The following MYCBP2 variants were observed in gnomAD, a reference collection of about 807,000 sequenced individuals.
MYCBP2 encodes the protein E3 ubiquitin-protein ligase MYCBP2.
MYCBP2 carries 120 observed loss-of-function variants against 525.3 expected under a neutral mutation model. That is an observed-to-expected ratio of 0.23 (90% CI 0.20 to 0.27). MYCBP2 has a LOEUF of 0.27. Ranked by LOEUF, MYCBP2 falls within the 10% of genes least tolerant of loss-of-function variation. MYCBP2 has a pLI of 1.00. For synonymous variants in MYCBP2, 1,894 were observed against 1,955.8 expected, an observed-to-expected ratio of 0.97 and a Z score of 0.83; for missense variants, 4,149 against 5,657.1, an observed-to-expected ratio of 0.73 and a Z score of 8.55.
At chr13:77,185,055 T>C (rs764031384) in intron 32 of MYCBP2, 48 bp downstream of exon 32, 4 of 1,534,176 alleles carry the variant, frequency 2.6e-6, no homozygotes, top group Non-Finnish European at 3.6e-6. Context: ...TGAAGAGTAT[T>C]AAGCAATATA....
At chr13:77,051,472 T>A (rs942241421) in intron 81 of MYCBP2, among the ~76,000 whole-genome samples, 1 of 152,210 alleles carries the variant, frequency 6.6e-6, no homozygotes, top group African/African-American at 2.4e-5. Context: ...TTAATGAAAT[T>A]AACCTCTCTT....
intron 30 of MYCBP2, among the ~76,000 whole-genome samples, chr13:77,186,557 A>C (rs972810639): frequency 6.6e-6 from 1 of 152,208 alleles, no homozygotes; most frequent in African/African-American, 2.4e-5. Context: ...TACAAACTAC[A>C]GTCAATTTTT....
At chr13:77,180,462 G>T (rs2060115007) in intron 33 of MYCBP2, 144 bp from the exon 34 acceptor site, 2 of 661,658 alleles carry the variant, frequency 3.0e-6, no homozygotes, top group Non-Finnish European at 5.0e-6. Flanking sequence ...GGTTATATGT[G>T]GAGCCACTTT....
chr13:77,228,698 T>C (rs1427070357), intron 18 of MYCBP2, among the ~76,000 whole-genome samples: 2 of 141,998 alleles, frequency 1.4e-5, no homozygotes, highest in Admixed American at 7.0e-5. Context: ...ATGTTGTGTG[T>C]GTGTGTGTGT....
At chr13:77,189,881 C>A (rs1595272660) in intron 29 of MYCBP2, among the ~76,000 whole-genome samples, 1 of 152,120 alleles carries the variant, frequency 6.6e-6, no homozygotes, top group Non-Finnish European at 1.5e-5. Context: ...ACCAGGCCTG[C>A]ATCTATAGTC....
rs905993154 is a variant in MYCBP2 at position 77,081,830 on chromosome 13, G to A, written c.11193+7C>T. 3.1e-6 allele frequency: 5 copies of A among 1,608,778 alleles called. No individual in the cohort carries two copies. Among genetic ancestry groups the A allele is most frequent in the Non-Finnish European group, 3.4e-6 (4 of 1,177,848 alleles). On this transcript the variant is annotated splice_region_variant and intron_variant, in intron 64 of 82. Transcript: ENST00000544440. This position sits in a 1 kb window ranked among gnomAD's most constrained non-coding sequence, Gnocchi z 4.6. ...GGACAACCAGGATAATAACTGAAAT[G>A]ACTGACCTGACTCATAGCTTCAAAG...
chr13:77,162,604 T>C (rs1047210579), intron 43 of MYCBP2, among the ~76,000 whole-genome samples: 3 of 152,176 alleles, frequency 2.0e-5, no homozygotes, highest in Non-Finnish European at 4.4e-5. Flanking sequence ...TTCTAGAAAC[T>C]TGGTGTGCAA....
At chr13:77,242,146 ACT>A (rs1271095762) in intron 17 of MYCBP2, among the ~76,000 whole-genome samples, 3 of 152,080 alleles carry the variant, frequency 2.0e-5, no homozygotes, top group East Asian at 3.9e-4. Flanking sequence ...ATGGAGTCTC[ACT>A]CTGTCGCCAG....
chr13:77,155,263 A>C (rs561615447), intron 46 of MYCBP2, among the ~76,000 whole-genome samples: 3 of 152,142 alleles, frequency 2.0e-5, no homozygotes, highest in Non-Finnish European at 4.4e-5. Flanking sequence ...AGAATGCATG[A>C]AGTAGTTGAA....
At chr13:77,215,154 T>C (rs1165458801) in intron 21 of MYCBP2, among the ~76,000 whole-genome samples, 1 of 152,156 alleles carries the variant, frequency 6.6e-6, no homozygotes, top group Non-Finnish European at 1.5e-5. Context: ...TTTAGCAACA[T>C]GTAAATGTTC....
intron 30 of MYCBP2, 64 bp from the exon 31 acceptor site, chr13:77,186,127 T>A: frequency 2.5e-6 from 3 of 1,221,250 alleles, no homozygotes; most frequent in Non-Finnish European, 3.3e-6. Context: ...CGGAATCAAA[T>A]GGAAAGGCAA....
intron 68 of MYCBP2, among the ~76,000 whole-genome samples, chr13:77,076,483 T>C (rs1275977608): frequency 6.6e-6 from 1 of 152,112 alleles, no homozygotes; most frequent in Non-Finnish European, 1.5e-5. Flanking sequence ...AGGGAGAAGA[T>C]AACTGATGGG....
chr13:77,197,021 T>A (rs1461414517), intron 26 of MYCBP2, among the ~76,000 whole-genome samples: 1 of 151,746 alleles, frequency 6.6e-6, no homozygotes, highest in Non-Finnish European at 1.5e-5. Flanking sequence ...AAAAGAAAAA[T>A]GAAGTGTAGT....
At chr13:77,310,196 A>C (rs567217140) in intron 1 of MYCBP2, among the ~76,000 whole-genome samples, 1 of 152,366 alleles carries the variant, frequency 6.6e-6, no homozygotes, top group South Asian at 2.1e-4. Context: ...TACAGGGAAC[A>C]TAATAACCTA....
At chr13:77,168,916 T>C (rs908962282) in intron 39 of MYCBP2, among the ~76,000 whole-genome samples, 2 of 152,222 alleles carry the variant, frequency 1.3e-5, no homozygotes, top group Non-Finnish European at 2.9e-5. Flanking sequence ...AAAGAATCAA[T>C]AGTTTATCAT....
chr13:77,083,322 A>G, intron 62 of MYCBP2, 130 bp from the exon 63 acceptor site: 1 of 754,072 alleles, frequency 1.3e-6, no homozygotes, highest in Non-Finnish European at 2.0e-6. Flanking sequence ...AATTGTACCC[A>G]GAAAGATACA....
chr13:77,110,120 G>T (rs2048549992), intron 55 of MYCBP2: 1 of 152,178 alleles, frequency 6.6e-6, no homozygotes, highest in Admixed American at 6.5e-5. Context: ...TGCCTGCGGG[G>T]TTAGGCAGAA....
At chr13:77,101,572 T>C (rs1232149150) in intron 55 of MYCBP2, among the ~76,000 whole-genome samples, 1 of 152,064 alleles carries the variant, frequency 6.6e-6, no homozygotes, top group Non-Finnish European at 1.5e-5. Context: ...GAATAGGCAT[T>C]TGTATATCTT....
At chr13:77,222,513 C>T (rs966090011) in intron 20 of MYCBP2, among the ~76,000 whole-genome samples, 9 of 151,948 alleles carry the variant, frequency 5.9e-5, no homozygotes, top group African/African-American at 2.2e-4. Context: ...TATGCAGTGC[C>T]CACAGATCTG....
Sources: gnomAD v4.1 joint callset for allele counts (sites outside exome capture counted in the v4.1 genomes callset) on GRCh38, gnomAD v4.1.1 for gene constraint, Gnocchi (gnomAD v3.1) non-coding constraint, MANE v1.5 for transcripts, NCBI Gene and HGNC (gene_info 2026-07-23, HGNC 2026-07-21) for gene names.